Variants in METTL25 observed in about 807,000 individuals in gnomAD.
The protein encoded by METTL25 is methyltransferase like 25, also known as probable methyltransferase-like protein 25.
Under a neutral mutation model 71.6 loss-of-function variants are expected in METTL25, and 64 were observed. The observed-to-expected ratio is 0.89, with a 90% CI of 0.73 to 1.10. The LOEUF is 1.10. Among genes scored for constraint, METTL25 ranks in the 50% least tolerant of loss-of-function variants. The pLI is 0.00. For missense variants in METTL25, 807 were observed against 707.0 expected, an observed-to-expected ratio of 1.14 and a Z score of -1.60; for synonymous variants, 287 against 250.3, an observed-to-expected ratio of 1.15 and a Z score of -1.38.
intron 5 of METTL25, among the ~76,000 whole-genome samples, chr12:82,429,437 A>G (rs559275150): frequency 1.3e-5 from 2 of 150,062 alleles, no homozygotes; most frequent in African/African-American, 4.9e-5. Context: ...TTCCTTACCT[A>G]TATCTATTCA....
intron 1 of METTL25, among the ~76,000 whole-genome samples, chr12:82,363,787 C>A (rs1022885352): frequency 6.7e-6 from 1 of 148,168 alleles, no homozygotes; most frequent in Non-Finnish European, 1.5e-5. Flanking sequence ...TCCAAGTAAG[C>A]CCTAATGCTG....
intron 7 of METTL25, 29 bp from the exon 8 acceptor site, chr12:82,438,689 G>C (rs372571599): frequency 3.6e-6 from 5 of 1,381,784 alleles, no homozygotes; most frequent in Non-Finnish European, 4.8e-6. Flanking sequence ...TTTGTTTCTT[G>C]TGCTTATATA....
intron 1 of METTL25, among the ~76,000 whole-genome samples, chr12:82,385,065 C>T (rs1884841702): frequency 6.6e-6 from 1 of 152,040 alleles, no homozygotes; most frequent in Non-Finnish European, 1.5e-5. Context: ...TAGAAATTTA[C>T]ATCATTCACA....
intron 8 of METTL25, among the ~76,000 whole-genome samples, chr12:82,451,869 ATTTTC>A (rs979821469): frequency 6.6e-6 from 1 of 152,110 alleles, no homozygotes. Context: ...AAATGTTAAT[ATTTTC>A]TTTTAACTAC....
rs1231418190 is a variant in METTL25 at position 82,359,036 on chromosome 12, A to G, written c.259+212A>G. ...TCACTCTTTCTTTGGGTGCTTGTGT[A>G]TGTCCACAATTTAAAGAAAGCAGGA... is the stretch of plus-strand genomic sequence containing the variant. On this transcript the variant is annotated intron_variant, in intron 1 of 11. Transcript: ENST00000248306. 6 of 606,330 alleles carry G rather than the reference A, an allele frequency of 9.9e-6. No individual in the cohort carries two copies. The Admixed American group carries it at 1.5e-4, about 15-fold the overall frequency. 37.6% of individuals were successfully genotyped at this position (606,330 alleles called of 1,614,324 possible).
At chr12:82,385,588 C>G (rs1275674742) in intron 1 of METTL25, among the ~76,000 whole-genome samples, 2 of 152,056 alleles carry the variant, frequency 1.3e-5, no homozygotes, top group Non-Finnish European at 2.9e-5. Flanking sequence ...AATTGGAAGG[C>G]TTTCTTTTAA....
chr12:82,389,498 T>G (rs1241881405), intron 2 of METTL25, among the ~76,000 whole-genome samples: 1 of 152,094 alleles, frequency 6.6e-6, no homozygotes, highest in African/African-American at 2.4e-5. Context: ...TGGAATTATC[T>G]TCTTTCATTT....
At chr12:82,378,190 C>T (rs10778901) in intron 1 of METTL25, among the ~76,000 whole-genome samples, 3,618 of 152,196 alleles carry the variant, frequency 0.024, 136 homozygotes, top group East Asian at 0.18. Flanking sequence ...ATGACAGTCA[C>T]TGAGGCTTAA....
At chr12:82,462,806 G>A (rs1891974573) in intron 9 of METTL25, among the ~76,000 whole-genome samples, 1 of 152,072 alleles carries the variant, frequency 6.6e-6, no homozygotes, top group South Asian at 2.1e-4. Context: ...CCAGTCTCTA[G>A]TGTCATAGTA....
intron 1 of METTL25, among the ~76,000 whole-genome samples, chr12:82,360,323 T>A (rs1431594865): frequency 6.6e-6 from 1 of 152,234 alleles, no homozygotes; most frequent in Admixed American, 6.5e-5. Flanking sequence ...TTTTCTCTTT[T>A]AATCTTTACA....
chr12:82,409,562 T>A (rs1278468869), intron 5 of METTL25, among the ~76,000 whole-genome samples: 1 of 152,066 alleles, frequency 6.6e-6, no homozygotes, highest in Non-Finnish European at 1.5e-5. Context: ...ACCATGATTT[T>A]GTTAAGGAAT....
At chr12:82,375,069 A>G (rs1212069849) in intron 1 of METTL25, among the ~76,000 whole-genome samples, 2 of 152,264 alleles carry the variant, frequency 1.3e-5, no homozygotes, top group Non-Finnish European at 2.9e-5. Flanking sequence ...TTACAGAATA[A>G]TAATGAACAA....
At chr12:82,373,929 G>A (rs922160604) in intron 1 of METTL25, 1 of 152,714 alleles carries the variant, frequency 6.5e-6, no homozygotes, top group Non-Finnish European at 1.5e-5. Context: ...GGAAAAATAG[G>A]ACAGAATAGC....
At position 82,386,965 on chromosome 12, in the gene METTL25, T is replaced by C. The variant is rs777091552; in HGVS notation, c.422T>C (p.Ile141Thr). The C allele has an allele frequency of 1.9e-6, 3 of 1,612,162 alleles. No individual in the cohort carries two copies. Among genetic ancestry groups the C allele is most frequent in the South Asian group, 2.2e-5 (2 of 90,972 alleles). ...CTTCGAGGAAATCAAAACCAGAGAA[T>C]TGGTATGTCTATTTATGTGTGTGTA... is the stretch of plus-strand genomic sequence containing the variant. Reference protein sequence around the residue: ...VALRGNQNQRIGENQKAVEFM... With the variant: ...VALRGNQNQRTGENQKAVEFM... The change falls in exon 2 of 12, where the codon ATT (isoleucine) becomes ACT (threonine). Residue 141 changes from isoleucine (I) to threonine (T), a missense_variant and splice_region_variant. Transcript: ENST00000248306.
intron 1 of METTL25, 108 bp downstream of exon 1, chr12:82,358,932 G>A: frequency 7.3e-7 from 1 of 1,379,226 alleles, no homozygotes; most frequent in African/African-American, 1.4e-5. Context: ...TGGCGGCGGA[G>A]GCGGGGCGGC....
At chr12:82,380,088 T>G (rs181005877) in intron 1 of METTL25, among the ~76,000 whole-genome samples, 19 of 152,318 alleles carry the variant, frequency 1.2e-4, no homozygotes, top group African/African-American at 3.8e-4. Context: ...TTGGACTTAA[T>G]GGTTTAAGGG....
chr12:82,474,994 G>A (rs75739504), intron 9 of METTL25, among the ~76,000 whole-genome samples: 2,878 of 152,222 alleles, frequency 0.019, 88 homozygotes, highest in African/African-American at 0.066. Context: ...TCTCTAAAGT[G>A]TCATATCCTG....
chr12:82,392,675 A>G (rs1885706937), intron 3 of METTL25, among the ~76,000 whole-genome samples: 1 of 151,896 alleles, frequency 6.6e-6, no homozygotes. Context: ...GTGGTTGCCT[A>G]TGCTTTTGAG....
chr12:82,413,819 C>T (rs966045223), intron 5 of METTL25, among the ~76,000 whole-genome samples: 5 of 151,526 alleles, frequency 3.3e-5, no homozygotes, highest in Non-Finnish European at 4.4e-5. Context: ...ATAATAAATA[C>T]TCTACTTTCC....
Sources: allele counts gnomAD v4.1 joint callset (sites outside exome capture counted in the v4.1 genomes callset), GRCh38; gene constraint gnomAD v4.1.1; transcripts MANE v1.5; gene names NCBI Gene and HGNC (gene_info 2026-07-23, HGNC 2026-07-21).